Variants in UNC13C observed in about 807,000 individuals in gnomAD.
The protein encoded by UNC13C is protein unc-13 homolog C.
Under a neutral mutation model 245.4 loss-of-function variants are expected in UNC13C, and 174 were observed. That is an observed-to-expected ratio of 0.71 (90% confidence interval 0.63 to 0.80). The LOEUF (loss-of-function observed/expected upper bound fraction) is 0.80. Ranked by LOEUF, UNC13C falls within the 30% of genes least tolerant of loss-of-function variation. UNC13C has a pLI of 0.00. For missense variants in UNC13C, 2,829 were observed against 2,602.9 expected (o/e 1.09, Z -1.89); for synonymous variants, 992 against 895.1 (o/e 1.11, Z -1.93).
At chr15:53,951,436 G>C in the UNC13C span, among the ~76,000 whole-genome samples, 1 of 152,230 alleles carries the variant, frequency 6.6e-6, no homozygotes, top group African/African-American at 2.4e-5. Context: ...GACAGATTGG[G>C]TTTAACTCCA....
intron 2 of UNC13C, among the ~76,000 whole-genome samples, chr15:54,047,810 T>C (rs911934970): frequency 3.9e-5 from 6 of 152,154 alleles, no homozygotes; most frequent in African/African-American, 1.4e-4. Flanking sequence ...AGAGGTCAAA[T>C]AGAAATTAAT....
intron 13 of UNC13C, among the ~76,000 whole-genome samples, chr15:54,305,831 T>C (rs2037711617): frequency 1.3e-5 from 2 of 152,098 alleles, no homozygotes; most frequent in African/African-American, 2.4e-5. Flanking sequence ...TGGATTTTCC[T>C]AGACACTATT....
At chr15:54,206,528 A>G (rs1171361386) in intron 4 of UNC13C, among the ~76,000 whole-genome samples, 1 of 152,132 alleles carries the variant, frequency 6.6e-6, no homozygotes, top group Non-Finnish European at 1.5e-5. Flanking sequence ...ATGAACCATT[A>G]ATCAATGCAC....
chr15:53,866,030 G>T, the UNC13C span, among the ~76,000 whole-genome samples: 1 of 152,038 alleles, frequency 6.6e-6, no homozygotes, highest in Non-Finnish European at 1.5e-5. Context: ...TTACCACAAA[G>T]AAATAATTTT....
intron 26 of UNC13C, among the ~76,000 whole-genome samples, chr15:54,543,955 A>G (rs1896364837): frequency 6.6e-6 from 1 of 152,226 alleles, no homozygotes; most frequent in Non-Finnish European, 1.5e-5. Context: ...TGAAGCCAGC[A>G]TCATCCTGAT....
chr15:53,889,337 G>C, the UNC13C span, among the ~76,000 whole-genome samples: 1 of 152,180 alleles, frequency 6.6e-6, no homozygotes, highest in Non-Finnish European at 1.5e-5. Flanking sequence ...GTTCACTCAT[G>C]ATTTGGCTCT....
rs773162266 is a variant in UNC13C at position 54,338,384 on chromosome 15, A to G, written c.4608A>G (p.Pro1536=). The change falls in exon 17 of 33, where the codon CCA becomes CCG. Residue 1536 remains proline (P), a synonymous_variant. Transcript: ENST00000260323. ...AGGTTCTGGAGCTGCAAAGCCCCCC[A>G]AAAGCGAGCATGGTGGTGAAGGACT... ...RMKVLELQSP[P]KASMVVKDCV... is the part of the protein sequence containing the mutation. 1 of 1,612,864 alleles carries G rather than the reference A, an allele frequency of 6.2e-7. No homozygotes were observed.
At chr15:54,277,524 G>T (rs868638868) in intron 10 of UNC13C, among the ~76,000 whole-genome samples, 1 of 152,110 alleles carries the variant, frequency 6.6e-6, no homozygotes, top group Non-Finnish European at 1.5e-5. Context: ...TGCCTAAGGC[G>T]CCCTCTGGCA....
the UNC13C span, among the ~76,000 whole-genome samples, chr15:53,961,250 A>G: frequency 1.9e-3 from 286 of 152,344 alleles, no homozygotes; most frequent in African/African-American, 6.6e-3. Context: ...ACAGCACCGG[A>G]CCATGAAGCC....
At chr15:53,988,052 C>T (rs1894224142) in intron 1 of UNC13C, among the ~76,000 whole-genome samples, 1 of 151,980 alleles carries the variant, frequency 6.6e-6, no homozygotes, top group South Asian at 2.1e-4. Flanking sequence ...ATACTTCTCT[C>T]CCTCACCATC....
intron 4 of UNC13C, among the ~76,000 whole-genome samples, chr15:54,215,446 T>TA (rs1274840489): frequency 6.6e-6 from 1 of 151,974 alleles, no homozygotes; most frequent in Non-Finnish European, 1.5e-5. Context: ...GCATTAGCTT[T>TA]AAAAAATAAT....
At chr15:54,526,451 G>C (rs1379535713) in intron 25 of UNC13C, among the ~76,000 whole-genome samples, 1 of 152,084 alleles carries the variant, frequency 6.6e-6, no homozygotes, top group Non-Finnish European at 1.5e-5. Flanking sequence ...GCTCTTCAGG[G>C]CCGGGTACGG....
chr15:54,322,394 A>G (rs193257345), intron 14 of UNC13C, among the ~76,000 whole-genome samples: 87 of 152,084 alleles, frequency 5.7e-4, no homozygotes, highest in African/African-American at 2.0e-3. Context: ...ACATATGCAA[A>G]TTTGGTATTC....
chr15:54,136,921 A>G (rs1190074024), intron 2 of UNC13C, among the ~76,000 whole-genome samples: 1 of 151,608 alleles, frequency 6.6e-6, no homozygotes, highest in Non-Finnish European at 1.5e-5. Flanking sequence ...GGCTCACTGC[A>G]GCCTCAATAT....
intron 2 of UNC13C, among the ~76,000 whole-genome samples, chr15:54,134,743 A>T (rs1278260622): frequency 6.6e-6 from 1 of 151,692 alleles, no homozygotes; most frequent in Non-Finnish European, 1.5e-5. Flanking sequence ...TTGTTTTTAT[A>T]CCTTGGCTAT....
the UNC13C span, chr15:53,914,463 G>A: frequency 3.9e-5 from 6 of 152,314 alleles, no homozygotes; most frequent in African/African-American, 9.7e-5. Context: ...GAAAGAGAGA[G>A]TCAGGGCTGT....
chr15:54,022,085 A>T (rs1895925430), intron 2 of UNC13C, among the ~76,000 whole-genome samples: 1 of 152,212 alleles, frequency 6.6e-6, no homozygotes, highest in Non-Finnish European at 1.5e-5. Context: ...GCAACACATG[A>T]CTGAATATGA....
chr15:54,204,688 CTTT>C (rs1318508700), intron 4 of UNC13C, among the ~76,000 whole-genome samples: 4 of 151,992 alleles, frequency 2.6e-5, no homozygotes, highest in Non-Finnish European at 5.9e-5. Flanking sequence ...GAAGTACTTA[CTTT>C]ACCAGATAAG....
chr15:54,224,009 T>G (rs2035303237), intron 4 of UNC13C, among the ~76,000 whole-genome samples: 1 of 152,164 alleles, frequency 6.6e-6, no homozygotes, highest in Non-Finnish European at 1.5e-5. Flanking sequence ...TTTACTAAAT[T>G]TGTTGATCAA....
Sources: gnomAD v4.1 joint callset for allele counts (sites outside exome capture counted in the v4.1 genomes callset) on GRCh38, gnomAD v4.1.1 for gene constraint, MANE v1.5 for transcripts, NCBI Gene and HGNC (gene_info 2026-07-23, HGNC 2026-07-21) for gene names.